The following CLIC5 variants were observed in gnomAD, a reference collection of about 807,000 sequenced individuals.
The protein encoded by CLIC5 is CLIC family member 5.
A neutral mutation model predicts 24.7 loss-of-function variants in CLIC5; 20 were observed. That is an observed-to-expected ratio of 0.81 (90% CI 0.57 to 1.18). The LOEUF (loss-of-function observed/expected upper bound fraction) is 1.18, where lower values mean the gene tolerates loss of function less well. CLIC5 is among the 50% of genes most tolerant of loss of function. CLIC5 has a pLI of 0.00. For synonymous variants in CLIC5, 159 were observed against 135.6 expected, an observed-to-expected ratio of 1.17 and a Z score of -1.20; for missense variants, 341 against 326.1, an observed-to-expected ratio of 1.05 and a Z score of -0.35.
Position 46,015,764 on chromosome 6 carries a change from G to A in CLIC5, c.-222C>T. On this transcript the variant is annotated 5_prime_UTR_variant, in exon 1 of 6. Transcript: ENST00000339561. ...GGAGCGAAGCCGGGAGGAGGCGGGG[G>A]GCCACGGGGAAAGCCGGGTTAAGGG... The A allele has an allele frequency of 8.1e-7, 1 of 1,234,708 alleles. No homozygotes were observed. The highest frequency in any genetic ancestry group is 1.0e-6 in the Non-Finnish European group (1 of 988,966). The allele number at this position is 1,234,708 out of a possible 1,614,324, so 76.5% of individuals were successfully genotyped here.
chr6:45,987,254 C>T (rs1765774910), intron 1 of CLIC5, among the ~76,000 whole-genome samples: 1 of 152,266 alleles, frequency 6.6e-6, no homozygotes, highest in East Asian at 1.9e-4. Flanking sequence ...AAGTTATGGC[C>T]CCTCCCTCTG....
chr6:46,079,800 G>A (rs1333474269), exon 1 of CLIC5: 3 of 1,552,014 alleles, frequency 1.9e-6, no homozygotes, highest in Non-Finnish European at 2.6e-6. Context: ...GGTAGAGAAG[G>A]CCTTACTGTG....
intron 1 of CLIC5, among the ~76,000 whole-genome samples, chr6:46,040,516 G>A (rs1767777638): frequency 1.3e-5 from 2 of 152,036 alleles, no homozygotes; most frequent in Non-Finnish European, 2.9e-5. Context: ...TGATGGTGGT[G>A]AATGATGATG....
At chr6:45,893,415 C>T (rs1762369579) in intron 6 of CLIC5, among the ~76,000 whole-genome samples, 1 of 152,184 alleles carries the variant, frequency 6.6e-6, no homozygotes, top group Non-Finnish European at 1.5e-5. Context: ...TGATTTAAGA[C>T]TGAAGATCTG....
At chr6:46,101,157 G>T in the CLIC5 span, among the ~76,000 whole-genome samples, 1 of 152,186 alleles carries the variant, frequency 6.6e-6, no homozygotes, top group Non-Finnish European at 1.5e-5. Context: ...AATCTGCGAA[G>T]ATAGAAAATA....
the CLIC5 span, among the ~76,000 whole-genome samples, chr6:46,127,589 CTAT>C: frequency 5.3e-5 from 8 of 152,090 alleles, no homozygotes; most frequent in Non-Finnish European, 1.0e-4. Flanking sequence ...ATTTATGTTA[CTAT>C]TATGTTTTCT....
chr6:45,903,211 C>A lies in CLIC5; in HGVS notation c.633G>T (p.Met211Ile). Residue 211 changes from methionine (M) to isoleucine (I), a missense_variant, in exon 6 of 6, where the codon ATG (methionine) becomes ATT (isoleucine). Coordinates refer to ENST00000339561, the MANE Select transcript of CLIC5 (RefSeq NM_016929.5). ...KYRNYDIPAE[M>I]TGLWRYLKNA... ...TCTTGAGGTACCGCCACAGGCCTGTCATCTCAGCCGGGATATCATAGTTGC... is the reference window on the plus strand; with the variant it reads ...TCTTGAGGTACCGCCACAGGCCTGTAATCTCAGCCGGGATATCATAGTTGC... The A allele has an allele frequency of 6.2e-7, 1 of 1,611,564 alleles. No individual in the cohort carries two copies. Among genetic ancestry groups the A allele is most frequent in the South Asian group, 1.1e-5 (1 of 90,614 alleles).
chr6:46,015,758 G>A lies in CLIC5; in HGVS notation c.-216C>T. 1.6e-6 allele frequency: 2 copies of A among 1,235,028 alleles called. No individual in the cohort carries two copies. Among genetic ancestry groups the A allele is most frequent in the East Asian group, 3.2e-5 (1 of 31,364 alleles). 76.5% of individuals were successfully genotyped at this position (1,235,028 alleles called of 1,614,324 possible). ...TGAAAAGGAGCGAAGCCGGGAGGAG[G>A]CGGGGGGCCACGGGGAAAGCCGGGT... is the stretch of plus-strand genomic sequence containing the variant. On this transcript the variant is annotated 5_prime_UTR_variant, in exon 1 of 6. Coordinates refer to ENST00000339561, the MANE Select transcript of CLIC5 (RefSeq NM_016929.5).
chr6:46,053,854 G>A (rs1327658678), intron 1 of CLIC5, among the ~76,000 whole-genome samples: 1 of 152,172 alleles, frequency 6.6e-6, no homozygotes, highest in Non-Finnish European at 1.5e-5. Flanking sequence ...GAAGAGCCCT[G>A]TAATTGAGAT....
At chr6:46,082,815 C>T (rs994745827), upstream of CLIC5, among the ~76,000 whole-genome samples, 2 of 152,096 alleles carry the variant, frequency 1.3e-5, no homozygotes, top group African/African-American at 4.8e-5. Flanking sequence ...CCCCCCTTTT[C>T]CATAATATTT....
chr6:46,060,412 G>C (rs1371068550), intron 1 of CLIC5, among the ~76,000 whole-genome samples: 1 of 152,088 alleles, frequency 6.6e-6, no homozygotes, highest in Non-Finnish European at 1.5e-5. Context: ...AACAATCTCT[G>C]TGAAAAAAGA....
chr6:45,929,378 G>A (rs889985888), intron 4 of CLIC5, among the ~76,000 whole-genome samples: 7 of 152,180 alleles, frequency 4.6e-5, no homozygotes, highest in South Asian at 2.1e-4. Context: ...GGGAGGAGAC[G>A]AGGACATGCA....
chr6:46,102,281 A>ATAGATGGAG, the CLIC5 span, among the ~76,000 whole-genome samples: 1 of 152,242 alleles, frequency 6.6e-6, no homozygotes, highest in Admixed American at 6.5e-5. Context: ...TCTAATGCTA[A>ATAGATGGAG]TAGATGGAGT....
rs1762884360 is a variant in CLIC5 at position 46,080,062 on chromosome 6, C to CT, written c.180dup (p.Val61SerfsTer5). 6.4e-7 allele frequency: 1 copy of CT among 1,551,564 alleles called. No individual in the cohort carries two copies. The highest frequency in any genetic ancestry group is 1.4e-5 in the African/African-American group (1 of 73,040). On this transcript the variant is annotated frameshift_variant, in exon 1 of 6. Transcript: ENST00000185206. LOFTEE classifies it high-confidence loss of function. ...GTCTCTTCACCCTTAATGGTATAGA[C>CT]TGACACAAAATCATACTCATGGGTA...
At chr6:45,975,256 C>T (rs973624077) in intron 1 of CLIC5, among the ~76,000 whole-genome samples, 1 of 151,976 alleles carries the variant, frequency 6.6e-6, no homozygotes, top group Non-Finnish European at 1.5e-5. Flanking sequence ...GACTGGAAAC[C>T]CCAGCAAATT....
intron 4 of CLIC5, among the ~76,000 whole-genome samples, chr6:45,928,704 TA>T (rs746554159): frequency 7.2e-5 from 11 of 152,144 alleles, no homozygotes; most frequent in Non-Finnish European, 1.3e-4. Flanking sequence ...TGAGCCTGTC[TA>T]AGGAGGTATG....
chr6:46,025,812 G>A (rs893297804), intron 1 of CLIC5, among the ~76,000 whole-genome samples: 2 of 152,134 alleles, frequency 1.3e-5, no homozygotes, highest in Non-Finnish European at 2.9e-5. Flanking sequence ...CCCCCTTGCT[G>A]TTCTCATGAT....
chr6:45,923,967 G>T (rs901378378), intron 4 of CLIC5, among the ~76,000 whole-genome samples: 5 of 152,142 alleles, frequency 3.3e-5, no homozygotes, highest in African/African-American at 1.2e-4. Context: ...TTAGAGGGTT[G>T]CTGGGAGCAA....
rs1203082080 is a variant in CLIC5 at position 46,015,501 on chromosome 6, G to A, written c.42C>T (p.Pro14=). 1 of 1,566,434 alleles carries A rather than the reference G, an allele frequency of 6.4e-7. No individual in the cohort carries two copies. The highest frequency in any genetic ancestry group is 8.6e-7 in the Non-Finnish European group (1 of 1,157,330). The change falls in exon 1 of 6, where the codon CCC becomes CCT. Residue 14 remains proline, a synonymous_variant. Transcript: ENST00000339561. The part of the protein sequence containing the change: ...SATANGDDRD[P]EIELFVKAGI... ...CTACCTTCACAAAGAGCTCGATCTC[G>A]GGGTCCCTGTCGTCCCCGTTAGCTG...
Sources: gnomAD v4.1 joint callset for allele counts (sites outside exome capture counted in the v4.1 genomes callset) on GRCh38, gnomAD v4.1.1 for gene constraint, MANE v1.5 for transcripts, NCBI Gene and HGNC (gene_info 2026-07-23, HGNC 2026-07-21) for gene names.